STT3B: variants seen among roughly 807,000 people sequenced by gnomAD.
STT3B encodes STT3 oligosaccharyltransferase complex catalytic subunit B, also known as dolichyl-diphosphooligosaccharide--protein glycosyltransferase subunit STT3B.
In STT3B, 29 loss-of-function variants were observed where a neutral mutation model predicts 96.8. That is an observed-to-expected ratio of 0.30 (90% CI 0.22 to 0.41). STT3B has a LOEUF of 0.41. Ranked by LOEUF, STT3B falls within the 10% of genes least tolerant of loss-of-function variation. The probability of loss-of-function intolerance (pLI) is 1.00; values close to 1 mark genes in which losing one functional copy is unlikely to be tolerated. For synonymous variants in STT3B, 367 were observed against 360.0 expected, an observed-to-expected ratio of 1.02 and a Z score of -0.22; for missense variants, 640 against 1,022.3, an observed-to-expected ratio of 0.63 and a Z score of 5.10.
intron 1 of STT3B, among the ~76,000 whole-genome samples, chr3:31,552,717 C>T (rs1350465220): frequency 6.6e-6 from 1 of 152,168 alleles, no homozygotes. Flanking sequence ...AGAAGCCATC[C>T]ACGAGTCCTT....
At chr3:31,613,069 T>C (rs1460728845) in intron 5 of STT3B, among the ~76,000 whole-genome samples, 1 of 151,938 alleles carries the variant, frequency 6.6e-6, no homozygotes, top group African/African-American at 2.4e-5. Flanking sequence ...GAATGTGGAG[T>C]AGTAAGAGCT....
chr3:31,592,348 T>G (rs187382570), intron 3 of STT3B, among the ~76,000 whole-genome samples: 2 of 152,352 alleles, frequency 1.3e-5, no homozygotes, highest in East Asian at 3.9e-4. Context: ...ATTTGGCTTA[T>G]TGATTCATCT....
intron 1 of STT3B, among the ~76,000 whole-genome samples, chr3:31,564,214 G>T (rs1340121484): frequency 6.6e-6 from 1 of 152,094 alleles, no homozygotes; most frequent in Non-Finnish European, 1.5e-5. Flanking sequence ...CCTCACACTG[G>T]CACTAAATCA....
At position 31,636,767 on chromosome 3, in the gene STT3B, C is replaced by T. The variant is rs144079781; in HGVS notation, c.*703C>T. 2 of 152,194 alleles carry T rather than the reference C, an allele frequency of 1.3e-5. No homozygotes were observed. Among genetic ancestry groups the T allele is most frequent in the Non-Finnish European group, 2.9e-5 (2 of 67,998 alleles). 9.4% of individuals were successfully genotyped at this position (152,194 alleles called of 1,614,324 possible). On this transcript the variant is annotated 3_prime_UTR_variant, in exon 16 of 16. Transcript: ENST00000295770. ...AGGTACTTACAGAGCAGATTTCATA[C>T]ATCATTCATTCAAGGGCTAAATTTA...
intron 1 of STT3B, among the ~76,000 whole-genome samples, chr3:31,570,219 A>G (rs1698105206): frequency 6.6e-6 from 1 of 152,234 alleles, no homozygotes; most frequent in Admixed American, 6.5e-5. Context: ...AAGTGTTGAT[A>G]CTAGTATGCT....
chr3:31,535,275 A>G (rs1697059118), intron 1 of STT3B, among the ~76,000 whole-genome samples: 3 of 152,020 alleles, frequency 2.0e-5, no homozygotes, highest in African/African-American at 4.8e-5. Flanking sequence ...GTAATGCAAT[A>G]ATGAAAAGGC....
At chr3:31,611,260 A>G (rs897518066) in intron 5 of STT3B, among the ~76,000 whole-genome samples, 1 of 152,132 alleles carries the variant, frequency 6.6e-6, no homozygotes, top group Non-Finnish European at 1.5e-5. Context: ...ACCAAATGTC[A>G]CATGACCTTT....
At chr3:31,583,891 A>G (rs1050297253) in intron 3 of STT3B, among the ~76,000 whole-genome samples, 1 of 151,922 alleles carries the variant, frequency 6.6e-6, no homozygotes, top group Non-Finnish European at 1.5e-5. Flanking sequence ...TTCACTCTGG[A>G]TAGTGTCCTT....
In STT3B at chr3:31,533,022, G is replaced by T. The variant is rs756137814; in HGVS notation, c.24G>T (p.Glu8Asp). Residue 8 changes from glutamate (E) to aspartate (D), a missense_variant, in exon 1 of 16, where the codon GAG (glutamate) becomes GAT (aspartate). Coordinates refer to ENST00000295770, the MANE Select transcript of STT3B (RefSeq NM_178862.3). Reference sequence around the variant, plus strand: ...ACATGGCGGAGCCCTCGGCCCCGGAGAGCAAGCACAAGTCGTCCCTCAACT... The same window carrying T: ...ACATGGCGGAGCCCTCGGCCCCGGATAGCAAGCACAAGTCGTCCCTCAACT... The part of the protein sequence containing the change: MAEPSAP[E>D]SKHKSSLNSS... 6.3e-7 allele frequency: 1 copy of T among 1,589,278 alleles called. No homozygotes were observed. The highest frequency in any genetic ancestry group is 1.7e-5 in the Admixed American group (1 of 58,576).
chr3:31,623,026 G>A (rs1444432237), intron 10 of STT3B, among the ~76,000 whole-genome samples: 2 of 152,092 alleles, frequency 1.3e-5, no homozygotes, highest in Non-Finnish European at 2.9e-5. Context: ...ATAAAGATGT[G>A]TGTTAATAAA....
At chr3:31,616,009 T>G (rs547338860) in intron 6 of STT3B, among the ~76,000 whole-genome samples, 8 of 152,040 alleles carry the variant, frequency 5.3e-5, no homozygotes, top group Non-Finnish European at 8.8e-5. Context: ...GAGAAAAGAT[T>G]GTTATCTCTA....
intron 2 of STT3B, among the ~76,000 whole-genome samples, chr3:31,577,298 A>G (rs991139957): frequency 2.0e-5 from 3 of 151,670 alleles, no homozygotes; most frequent in Non-Finnish European, 4.4e-5. Context: ...ACTTTTCTTC[A>G]TTATTAAGAG....
At chr3:31,586,320 TATTTTGG>T (rs1698533742) in intron 3 of STT3B, among the ~76,000 whole-genome samples, 1 of 29,928 alleles carries the variant, frequency 3.3e-5, no homozygotes, top group South Asian at 1.3e-3. Context: ...GTTCTTTGTA[TATTTTGG>T]AAATACTTTA....
At chr3:31,543,466 TAGTG>T (rs934382585) in intron 1 of STT3B, among the ~76,000 whole-genome samples, 8 of 152,222 alleles carry the variant, frequency 5.3e-5, no homozygotes, top group East Asian at 3.8e-4. Context: ...ATTAGGAACA[TAGTG>T]AGTGCACAGT....
At chr3:31,591,438 G>C (rs908051626) in intron 3 of STT3B, among the ~76,000 whole-genome samples, 2 of 152,016 alleles carry the variant, frequency 1.3e-5, no homozygotes, top group Non-Finnish European at 2.9e-5. Context: ...AGTATTGTTT[G>C]ATTTGCACCT....
chr3:31,558,119 A>C (rs1297272258), intron 1 of STT3B, among the ~76,000 whole-genome samples: 2 of 152,250 alleles, frequency 1.3e-5, no homozygotes, highest in Non-Finnish European at 2.9e-5. Context: ...ATCAGGTGAT[A>C]TGCAAAGTGG....
intron 3 of STT3B, 101 bp downstream of exon 3, chr3:31,580,197 G>A: frequency 8.8e-6 from 10 of 1,133,556 alleles, no homozygotes; most frequent in Non-Finnish European, 1.3e-5. Flanking sequence ...TTATGTAGTT[G>A]CGTACAGAGA....
At chr3:31,585,892 A>T (rs1698525413) in intron 3 of STT3B, among the ~76,000 whole-genome samples, 2 of 152,110 alleles carry the variant, frequency 1.3e-5, no homozygotes, top group Non-Finnish European at 1.5e-5. Flanking sequence ...TTTGGCAATG[A>T]TGAATTAAGT....
chr3:31,567,366 A>T (rs557692222), intron 1 of STT3B, among the ~76,000 whole-genome samples: 5 of 151,568 alleles, frequency 3.3e-5, no homozygotes, highest in African/African-American at 7.3e-5. Flanking sequence ...TCTGTTCCTG[A>T]TTGATTCTTT....
Sources: allele counts gnomAD v4.1 joint callset (sites outside exome capture counted in the v4.1 genomes callset), GRCh38; gene constraint gnomAD v4.1.1; transcripts MANE v1.5; gene names NCBI Gene and HGNC (gene_info 2026-07-23, HGNC 2026-07-21).